The following CLCNKB variants were observed in gnomAD, a reference collection of about 807,000 sequenced individuals.
CLCNKB encodes chloride voltage-gated channel Kb, also known as chloride channel protein ClC-Kb.
A neutral mutation model predicts 83.8 loss-of-function variants in CLCNKB; 74 were observed. The observed-to-expected ratio is 0.88, with a 90% CI of 0.73 to 1.07. The LOEUF is 1.07. Among genes scored for constraint, CLCNKB ranks in the 50% least tolerant of loss-of-function variants. CLCNKB has a pLI of 0.00. For synonymous variants in CLCNKB, 358 were observed against 356.6 expected (o/e 1.00, Z -0.04); for missense variants, 798 against 893.6 (o/e 0.89, Z 1.36).
Position 16,050,931 on chromosome 1 carries a change from G to A in CLCNKB, c.1110G>A (p.Met370Ile), listed in dbSNP as rs1570338342. The change falls in exon 12 of 20, where the codon ATG (methionine) becomes ATA (isoleucine). Residue 370 changes from methionine to isoleucine, a missense_variant. Coordinates refer to ENST00000375679, the MANE Select transcript of CLCNKB (RefSeq NM_000085.5). ...SLFDNHSWAL[M>I]TQNSSPPWPE... is the part of the protein sequence containing the mutation. ...TCGACAACCACTCCTGGGCGCTGAT[G>A]ACCCAGAACTCCAGCCCACCCTGGC... 1 of 1,613,268 alleles carries A rather than the reference G, an allele frequency of 6.2e-7. No homozygotes were observed. Among genetic ancestry groups the A allele is most frequent in the East Asian group, 2.2e-5 (1 of 44,882 alleles).
rs774097321 is a variant in CLCNKB at position 16,053,783 on chromosome 1, G to A, written c.1756+11G>A. The A allele has an allele frequency of 3.4e-5, 55 of 1,613,572 alleles. No homozygotes were observed. The highest frequency in any genetic ancestry group is 4.5e-5 in the East Asian group (2 of 44,890). ...TGGTGGAGAGCACAGGTGCCCAGCC[G>A]GAAGGGAGGAGGAAGTCGGGGGTAG... On this transcript the variant is annotated intron_variant, in intron 16 of 19. Transcript: ENST00000375679.
Position 16,056,280 on chromosome 1 carries a change from T to G in CLCNKB, c.1930-142T>G, listed in dbSNP as rs2023436148. ...CTCTGGCATCCCCCAGTGGCCACATTGGACATTGCAGGCCTGGGTCTCTTG... is the reference window on the plus strand; with the variant it reads ...CTCTGGCATCCCCCAGTGGCCACATGGGACATTGCAGGCCTGGGTCTCTTG... On this transcript the variant is annotated intron_variant, in intron 18 of 19. Coordinates refer to ENST00000375679, the MANE Select transcript of CLCNKB (RefSeq NM_000085.5). 7 of 895,938 alleles carry G rather than the reference T, an allele frequency of 7.8e-6. No homozygotes were observed. In the Middle Eastern group the frequency reaches 6.4e-4, roughly 82 times the overall value. The allele number at this position is 895,938 out of a possible 1,614,324, so 55.5% of individuals were successfully genotyped here.
chr1:16,052,597 G>C (rs1332198744), intron 15 of CLCNKB, among the ~76,000 whole-genome samples, 186 bp downstream of exon 15: 1 of 152,234 alleles, frequency 6.6e-6, no homozygotes, highest in Admixed American at 6.5e-5. Context: ...CCTTGGCCTT[G>C]AGGCCTCAGT....
At chr1:16,045,441 C>T in intron 2 of CLCNKB, 117 bp from the exon 3 acceptor site, 1 of 1,288,166 alleles carries the variant, frequency 7.8e-7, no homozygotes, top group South Asian at 1.3e-5. Flanking sequence ...CAGAGTATAC[C>T]ACCAAGCTCC....
chr1:16,051,145 T>C, intron 12 of CLCNKB, 97 bp downstream of exon 12: 1 of 1,566,278 alleles, frequency 6.4e-7, no homozygotes, highest in Non-Finnish European at 8.7e-7. Flanking sequence ...AGCCCAGGCC[T>C]TCCACCCACA....
chr1:16,046,954 C>T (rs927861742), intron 4 of CLCNKB, among the ~76,000 whole-genome samples: 1 of 152,306 alleles, frequency 6.6e-6, no homozygotes, highest in Non-Finnish European at 1.5e-5. Flanking sequence ...AGGCACAGCT[C>T]CCCCAGGCCG....
chr1:16,050,659 C>G, intron 11 of CLCNKB, 59 bp downstream of exon 11: 5 of 1,557,590 alleles, frequency 3.2e-6, no homozygotes, highest in Non-Finnish European at 4.4e-6. Context: ...GCCTCCTTTG[C>G]GTGTATCTCA....
intron 2 of CLCNKB, among the ~76,000 whole-genome samples, chr1:16,045,241 G>A (rs553340118): frequency 1.1e-3 from 164 of 152,304 alleles, no homozygotes; most frequent in Non-Finnish European, 2.1e-3. Flanking sequence ...GGTGAAAGCT[G>A]TAGCTGCCAG....
intron 11 of CLCNKB, 22 bp downstream of exon 11, chr1:16,050,622 G>A (rs1455368592): frequency 6.2e-7 from 1 of 1,609,870 alleles, no homozygotes; most frequent in African/African-American, 1.3e-5. Flanking sequence ...TGAGTGGGGT[G>A]GCAGGAGTGG....
At chr1:16,048,781 T>G in intron 7 of CLCNKB, 199 bp downstream of exon 7, 1 of 1,460,054 alleles carries the variant, frequency 6.8e-7, no homozygotes, top group South Asian at 1.5e-5. Context: ...GCTAAGAGGC[T>G]TCAGTGTAAC....
intron 4 of CLCNKB, among the ~76,000 whole-genome samples, chr1:16,047,283 A>C (rs1040029664): frequency 1.3e-5 from 2 of 152,008 alleles, no homozygotes; most frequent in African/African-American, 4.8e-5. Context: ...TCTCTACAAC[A>C]AATAGAAAAA....
Position 16,049,513 on chromosome 1 carries a change from C to T in CLCNKB, c.782-105C>T, listed in dbSNP as rs888162554. On this transcript the variant is annotated intron_variant, in intron 8 of 19. Transcript: ENST00000375679. ...GCCTGGAATGCCAGGACACAGATTC[C>T]GAGTCAGGACCTGGCACCCCCTCCA... 2.5e-4 allele frequency: 357 copies of T among 1,432,800 alleles called. 1 individual carries two copies. The highest frequency in any genetic ancestry group is 3.2e-4 in the Non-Finnish European group (337 of 1,039,994). 88.8% of individuals were successfully genotyped at this position (1,432,800 alleles called of 1,614,324 possible).
At position 16,049,364 on chromosome 1, in the gene CLCNKB, CT is replaced by C; in HGVS notation, c.781+121del. The C allele has an allele frequency of 2.6e-6, 4 of 1,534,280 alleles. No homozygotes were observed. In the South Asian group the frequency reaches 5.1e-5, roughly 19 times the overall value. On this transcript the variant is annotated intron_variant, in intron 8 of 19. Coordinates refer to ENST00000375679, the MANE Select transcript of CLCNKB (RefSeq NM_000085.5). ...TTCCCTCTCTCTCCCTCTTTTTCCT[CT>C]TCCTTGTTCCCACCTCCTTCTGGGA...
chr1:16,050,875 C>G lies in CLCNKB; in HGVS notation c.1054C>G (p.Leu352Val), dbSNP rs764256848. Residue 352 changes from leucine (L) to valine (V), a missense_variant and splice_region_variant, in exon 12 of 20, where the codon CTG (leucine) becomes GTG (valine). Coordinates refer to ENST00000375679, the MANE Select transcript of CLCNKB (RefSeq NM_000085.5). ...CCAGTTCCCACCTGCCCCGCCACAGCTGTCCATGAAGCAGCATCTGGACTC... is the reference window on the plus strand; with the variant it reads ...CCAGTTCCCACCTGCCCCGCCACAGGTGTCCATGAAGCAGCATCTGGACTC... Reference protein sequence around the residue: ...PSAGRFLASRLSMKQHLDSLF... With the variant: ...PSAGRFLASRVSMKQHLDSLF... The G allele has an allele frequency of 5.6e-6, 9 of 1,611,900 alleles. No individual in the cohort carries two copies. Among genetic ancestry groups the G allele is most frequent in the Admixed American group, 1.7e-5 (1 of 60,024 alleles).
chr1:16,050,490 C>A (rs781435713), intron 10 of CLCNKB, 26 bp from the exon 11 acceptor site: 2 of 1,612,150 alleles, frequency 1.2e-6, no homozygotes, highest in East Asian at 4.5e-5. Context: ...GGAGGGCCAG[C>A]CCTAGAGCCC....
In CLCNKB at chr1:16,049,907, T is replaced by C; in HGVS notation, c.959T>C (p.Leu320Pro). Residue 320 changes from leucine (L) to proline (P), a missense_variant, in exon 10 of 20, where the codon CTG (leucine) becomes CCG (proline). Transcript: ENST00000375679. Reference sequence around the variant, plus strand: ...AACAATAGGTTCAGCTCCAAACTGCTGGCCACCAGGTAGGCTCCGGGCTAA... The same window carrying C: ...AACAATAGGTTCAGCTCCAAACTGCCGGCCACCAGGTAGGCTCCGGGCTAA... ...IRNNRFSSKL[L>P]ATSKPVYSAL... 8.1e-6 allele frequency: 13 copies of C among 1,611,362 alleles called. No homozygotes were observed. Among genetic ancestry groups the C allele is most frequent in the Non-Finnish European group, 1.1e-5 (13 of 1,178,848 alleles).
In CLCNKB at chr1:16,057,057, C is replaced by T. The variant is rs2023470716; in HGVS notation, c.*141C>T. 1 of 844,346 alleles carries T rather than the reference C, an allele frequency of 1.2e-6. No individual in the cohort carries two copies. Among genetic ancestry groups the T allele is most frequent in the Non-Finnish European group, 2.0e-6 (1 of 501,700 alleles). 52.3% of individuals were successfully genotyped at this position (844,346 alleles called of 1,614,324 possible). The stretch of plus-strand genomic sequence containing the variant: ...CTTTGGCATAACAGGCAACTTTAAC[C>T]TAGCCCAGAAGAGGATGGCTCATCC... On this transcript the variant is annotated 3_prime_UTR_variant, in exon 20 of 20. Coordinates refer to ENST00000375679, the MANE Select transcript of CLCNKB (RefSeq NM_000085.5).
rs763270686 is a variant in CLCNKB at position 16,050,962 on chromosome 1, G to A, written c.1141G>A (p.Glu381Lys). 2 of 1,613,882 alleles carry A rather than the reference G, an allele frequency of 1.2e-6. No homozygotes were observed. The highest frequency in any genetic ancestry group is 1.1e-5 in the South Asian group (1 of 91,068). The change falls in exon 12 of 20, where the codon GAG (glutamate) becomes AAG (lysine). Residue 381 changes from glutamate to lysine, a missense_variant. Physicochemically the swap from Glu to Lys is moderately conservative, Grantham distance 56. Transcript: ENST00000375679. ...GAACTCCAGCCCACCCTGGCCCGAG[G>A]AGCTCGACCCCCAGCACCTGTGGTG... ...TQNSSPPWPE[E>K]LDPQHLWWEW...
At chr1:16,045,428 C>G in intron 2 of CLCNKB, 130 bp from the exon 3 acceptor site, 14 of 1,139,726 alleles carry the variant, frequency 1.2e-5, no homozygotes, top group Non-Finnish European at 1.8e-5. Flanking sequence ...CTCGGGACTA[C>G]CCCAGAGTAT....
Sources: gnomAD v4.1 joint callset for allele counts (sites outside exome capture counted in the v4.1 genomes callset) on GRCh38, gnomAD v4.1.1 for gene constraint, MANE v1.5 for transcripts, NCBI Gene and HGNC (gene_info 2026-07-23, HGNC 2026-07-21) for gene names.